EFR3B: variants seen among roughly 807,000 people sequenced by gnomAD.
The protein encoded by EFR3B is EFR3 homolog B.
Under a neutral mutation model 104.7 loss-of-function variants are expected in EFR3B, and 64 were observed. That is an observed-to-expected ratio of 0.61 (90% CI 0.50 to 0.75). EFR3B has a LOEUF of 0.75. Ranked by LOEUF, EFR3B falls within the 30% of genes least tolerant of loss-of-function variation. The pLI is 0.00. For missense variants in EFR3B, 750 were observed against 1,078.5 expected, an observed-to-expected ratio of 0.70 and a Z score of 4.27; for synonymous variants, 385 against 417.9, an observed-to-expected ratio of 0.92 and a Z score of 0.96.
rs988177069 is a variant in EFR3B at position 25,141,446 on chromosome 2, CG to C, written c.1922+18del. 1.9e-6 allele frequency: 3 copies of C among 1,550,524 alleles called. No homozygotes were observed. The South Asian group carries it at 3.6e-5, about 18-fold the overall frequency. On this transcript the variant is annotated intron_variant, in intron 17 of 22. Coordinates refer to ENST00000403714, the MANE Select transcript of EFR3B (RefSeq NM_014971.2). The stretch of plus-strand genomic sequence containing the variant: ...TGGAGAGGCCCAGGTGAGGAGAGGA[CG>C]GGGGACGTGGTCAGGGATCCCCAGG...
intron 4 of EFR3B, among the ~76,000 whole-genome samples, chr2:25,120,472 C>T (rs1208525265): frequency 5.9e-5 from 9 of 151,916 alleles, no homozygotes; most frequent in African/African-American, 1.9e-4. Flanking sequence ...GGTGAAACCC[C>T]GTCTCTACTA....
At chr2:25,125,577 G>T (rs1670139980) in intron 5 of EFR3B, among the ~76,000 whole-genome samples, 1 of 152,176 alleles carries the variant, frequency 6.6e-6, no homozygotes, top group Admixed American at 6.5e-5. Context: ...AGGGTATCCT[G>T]TTTCTCCTAG....
At position 25,144,941 on chromosome 2, in the gene EFR3B, TG is replaced by T. The variant is rs1209413221; in HGVS notation, c.2051-16del. On this transcript the variant is annotated intron_variant, in intron 18 of 22. Transcript: ENST00000403714. ...TCTGAGGGCTGGGAACTAAAGCCTC[TG>T]GGCTGCTTCTTCCCCAGATGAGGAT... The T allele has an allele frequency of 1.3e-6, 2 of 1,550,504 alleles. No homozygotes were observed.
rs1363699200 is a variant in EFR3B, at chr2:25,136,279, C to T, written c.1485-244C>T. Among the ~76,000 whole-genome samples, 1 of 151,888 alleles carries T rather than the reference C, an allele frequency of 6.6e-6. No individual in the cohort carries two copies. The highest frequency in any genetic ancestry group is 6.6e-5 in the Admixed American group (1 of 15,242). The stretch of plus-strand genomic sequence containing the variant: ...GCTGCAGAGAGCTGTGATTATGGAA[C>T]AACTACACTCCAGCCTAGGTGACAG... On this transcript the variant is annotated intron_variant, in intron 13 of 22. Coordinates refer to ENST00000403714, the MANE Select transcript of EFR3B (RefSeq NM_014971.2). The surrounding 1 kb of genome is among the most constrained non-coding windows in gnomAD (Gnocchi z 4.0).
chr2:25,088,717 A>G (rs973188401), intron 1 of EFR3B, among the ~76,000 whole-genome samples: 10 of 152,094 alleles, frequency 6.6e-5, no homozygotes, highest in African/African-American at 2.4e-4. Context: ...CCATGCATAG[A>G]GAATGTTGTT....
chr2:25,061,239 T>C (rs1418488300), intron 1 of EFR3B, among the ~76,000 whole-genome samples: 1 of 151,670 alleles, frequency 6.6e-6, no homozygotes, highest in Non-Finnish European at 1.5e-5. Context: ...TTCTCGTCCC[T>C]CAGCCTCCGG....
intron 1 of EFR3B, among the ~76,000 whole-genome samples, chr2:25,075,962 T>C (rs1668623063): frequency 6.6e-6 from 1 of 152,200 alleles, no homozygotes; most frequent in African/African-American, 2.4e-5. Flanking sequence ...GTATGATCAC[T>C]GCTCACTGTA....
At chr2:25,119,691 G>A (rs1172963386) in intron 4 of EFR3B, among the ~76,000 whole-genome samples, 1 of 152,212 alleles carries the variant, frequency 6.6e-6, no homozygotes, top group Non-Finnish European at 1.5e-5. Context: ...ATGTAGCTTG[G>A]AAGGAAAGAT....
chr2:25,150,611 CT>C (rs200348402), intron 20 of EFR3B, among the ~76,000 whole-genome samples: 45,274 of 142,020 alleles, frequency 0.32, 7,085 homozygotes, highest in East Asian at 0.36. Flanking sequence ...ATTTCTTGCC[CT>C]TTTTTTTTTT....
At chr2:25,099,721 C>T (rs1669377713) in intron 3 of EFR3B, among the ~76,000 whole-genome samples, 1 of 151,772 alleles carries the variant, frequency 6.6e-6, no homozygotes, top group African/African-American at 2.4e-5. Flanking sequence ...AAAGCTAGCT[C>T]ATGTCTGAGG....
In EFR3B at chr2:25,103,775, C is replaced by T. The variant is rs1253289571; in HGVS notation, c.351C>T (p.Leu117=). The T allele has an allele frequency of 7.1e-6, 11 of 1,551,482 alleles. No homozygotes were observed. The Admixed American group carries it at 9.8e-5, about 14-fold the overall frequency. The change falls in exon 4 of 23, where the codon CTC becomes CTT. Residue 117 remains leucine, a synonymous_variant. Transcript: ENST00000403714. ...LESEKPNLQI[L]GTNSFVKFAN... is the part of the protein sequence containing the mutation. Reference sequence around the variant, plus strand: ...CAGAGAAACCCAACCTGCAGATCCTCGGCACCAACTCGGTAAGGAGCGGCC... The same window carrying T: ...CAGAGAAACCCAACCTGCAGATCCTTGGCACCAACTCGGTAAGGAGCGGCC...
chr2:25,115,390 G>A (rs1446398529), intron 4 of EFR3B, among the ~76,000 whole-genome samples: 3 of 152,206 alleles, frequency 2.0e-5, no homozygotes, highest in Non-Finnish European at 1.5e-5. Context: ...TCCACCTGTC[G>A]CAAGCGGGTT....
At chr2:25,094,293 A>AAAG (rs1669216238) in intron 3 of EFR3B, among the ~76,000 whole-genome samples, 1 of 151,256 alleles carries the variant, frequency 6.6e-6, no homozygotes, top group Non-Finnish European at 1.5e-5. Flanking sequence ...AAAAAAAAAA[A>AAAG]AAAAAAAAGA....
In EFR3B at chr2:25,042,286, C is replaced by T. The variant is rs886937896; in HGVS notation, c.-27C>T. On this transcript the variant is annotated 5_prime_UTR_variant, in exon 1 of 23. Transcript: ENST00000403714. The surrounding 1 kb of genome is among the most constrained non-coding windows in gnomAD (Gnocchi z 5.4). ...CTGGGAACGCCGCAGCGACGCCGGC[C>T]TCTCGAGAGGCGCGCGCCCCGCCGA... is the stretch of plus-strand genomic sequence containing the variant. 2 of 1,305,086 alleles carry T rather than the reference C, an allele frequency of 1.5e-6. No homozygotes were observed. The highest frequency in any genetic ancestry group is 1.5e-5 in the African/African-American group (1 of 64,588). The allele number at this position is 1,305,086 out of a possible 1,614,324, so 80.8% of individuals were successfully genotyped here. A position where few individuals can be genotyped will look rare whatever the true frequency, so the allele number is the denominator to read the frequency against.
intron 3 of EFR3B, among the ~76,000 whole-genome samples, chr2:25,093,697 C>A (rs1013564926): frequency 3.9e-5 from 6 of 151,952 alleles, no homozygotes; most frequent in African/African-American, 9.7e-5. Flanking sequence ...CATACAGAAG[C>A]CCTCATACAG....
chr2:25,153,657 C>G, intron 21 of EFR3B, 55 bp from the exon 22 acceptor site: 8 of 1,541,856 alleles, frequency 5.2e-6, no homozygotes, highest in Non-Finnish European at 7.0e-6. Flanking sequence ...AGCCAGCTGG[C>G]AGAGGTTCTG....
In EFR3B at chr2:25,101,313, ATGT is replaced by A. The variant is rs574522497; in HGVS notation, c.213-2319_213-2317del. Among the ~76,000 whole-genome samples, 268 of 152,252 alleles carry A rather than the reference ATGT, an allele frequency of 1.8e-3. 1 individual carries two copies. The highest frequency in any genetic ancestry group is 6.2e-3 in the African/African-American group (256 of 41,562). On this transcript the variant is annotated intron_variant, in intron 3 of 22. Transcript: ENST00000403714. ...CATGTCTTATAATCAACAGATGCTG[ATGT>A]TGTTCACATCACTTTCTCTTAATTA... is the stretch of plus-strand genomic sequence containing the variant.
At chr2:25,095,717 T>C (rs148372418) in intron 3 of EFR3B, among the ~76,000 whole-genome samples, 6 of 152,182 alleles carry the variant, frequency 3.9e-5, no homozygotes, top group African/African-American at 1.4e-4. Flanking sequence ...CAAAAAAGAA[T>C]GTACCAATAT....
chr2:25,149,672 ATC>A lies in EFR3B; in HGVS notation c.2143-18_2143-17del. The A allele has an allele frequency of 6.4e-7, 1 of 1,551,192 alleles. No individual in the cohort carries two copies. Among genetic ancestry groups the A allele is most frequent in the African/African-American group, 1.4e-5 (1 of 73,154 alleles). Reference sequence around the variant, plus strand: ...TTCTCTGCCCCCTGCCTTTCTGAGCATCTCTGTCCCTTCTCCTTCAGCGAGTG... The same window carrying A: ...TTCTCTGCCCCCTGCCTTTCTGAGCATCTGTCCCTTCTCCTTCAGCGAGTG... On this transcript the variant is annotated intron_variant, in intron 19 of 22. Transcript: ENST00000403714.
Sources: allele counts gnomAD v4.1 joint callset (sites outside exome capture counted in the v4.1 genomes callset), GRCh38; gene constraint gnomAD v4.1.1; non-coding constraint Gnocchi (gnomAD v3.1); transcripts MANE v1.5; gene names NCBI Gene and HGNC (gene_info 2026-07-23, HGNC 2026-07-21).